The following EPHA6 variants were observed in gnomAD, a reference collection of about 807,000 sequenced individuals.
EPHA6 encodes ephrin type-A receptor 6.
Under a neutral mutation model 112.0 loss-of-function variants are expected in EPHA6, and 50 were observed. That is an observed-to-expected ratio of 0.45 (90% CI 0.36 to 0.56). EPHA6 has a LOEUF of 0.56. EPHA6 is among the 20% of genes least tolerant of loss of function. The probability of loss-of-function intolerance (pLI) is 0.00; values close to 1 mark genes in which losing one functional copy is unlikely to be tolerated. For synonymous variants in EPHA6, 529 were observed against 490.7 expected (o/e 1.08, Z -1.03); for missense variants, 1,280 against 1,417.4 (o/e 0.90, Z 1.56).
intron 10 of EPHA6, among the ~76,000 whole-genome samples, chr3:97,487,000 G>A (rs775680672): frequency 3.3e-5 from 5 of 152,068 alleles, no homozygotes; most frequent in African/African-American, 7.2e-5. Flanking sequence ...TGTCTGTTAG[G>A]TAGTCCCCTT....
At chr3:96,906,822 T>A (rs1177517738) in intron 2 of EPHA6, among the ~76,000 whole-genome samples, 1 of 151,752 alleles carries the variant, frequency 6.6e-6, no homozygotes, top group Non-Finnish European at 1.5e-5. Flanking sequence ...TCCCTAGAGG[T>A]ATAGGAGAAA....
Position 97,736,103 on chromosome 3 carries a change from T to C in EPHA6, c.3113T>C (p.Val1038Ala). 6.2e-7 allele frequency: 1 copy of C among 1,611,998 alleles called. No individual in the cohort carries two copies. Among genetic ancestry groups the C allele is most frequent in the Non-Finnish European group, 8.5e-7 (1 of 1,178,758 alleles). The change falls in exon 16 of 18, where the codon GTG becomes GCG. Residue 1038 changes from valine (V) to alanine (A), a missense_variant. By Grantham distance (64) the Val-to-Ala change is moderately conservative. Transcript: ENST00000389672. ...AATCCCAGTGCCCTTCACACCCTGGTGGAGGACATCCTTGTGTAAGAGGCA... is the reference window on the plus strand; with the variant it reads ...AATCCCAGTGCCCTTCACACCCTGGCGGAGGACATCCTTGTGTAAGAGGCA... ...IRNPSALHTL[V>A]EDILVMPESP...
chr3:97,710,476 C>T (rs1439372000), intron 14 of EPHA6, among the ~76,000 whole-genome samples: 1 of 152,174 alleles, frequency 6.6e-6, no homozygotes, highest in African/African-American at 2.4e-5. Flanking sequence ...GTATAAAGAG[C>T]CTGTGGGCAT....
chr3:97,125,024 G>A (rs960994526), intron 3 of EPHA6, among the ~76,000 whole-genome samples: 1 of 152,108 alleles, frequency 6.6e-6, no homozygotes, highest in Non-Finnish European at 1.5e-5. Flanking sequence ...ACAAAAGGAA[G>A]GATTTCACCT....
chr3:97,144,291 C>A (rs1200532041), intron 3 of EPHA6, among the ~76,000 whole-genome samples: 1 of 151,482 alleles, frequency 6.6e-6, no homozygotes, highest in Non-Finnish European at 1.5e-5. Context: ...AATTGTTTAT[C>A]TCTATATTTT....
At chr3:96,841,664 C>T (rs188329016) in intron 1 of EPHA6, among the ~76,000 whole-genome samples, 84 of 152,064 alleles carry the variant, frequency 5.5e-4, no homozygotes, top group African/African-American at 1.1e-3. Flanking sequence ...CAGCCCATAA[C>T]GGAGATACAG....
At chr3:97,539,254 T>C in intron 11 of EPHA6, among the ~76,000 whole-genome samples, 1 of 151,532 alleles carries the variant, frequency 6.6e-6, no homozygotes, top group East Asian at 1.9e-4. Context: ...TTCAAGCAAT[T>C]CTCCTGCGGC....
chr3:96,903,234 A>G (rs2038717908), intron 2 of EPHA6, among the ~76,000 whole-genome samples: 2 of 151,350 alleles, frequency 1.3e-5, no homozygotes, highest in African/African-American at 4.8e-5. Context: ...ATTGGCAAGT[A>G]TGAGACCAAA....
At chr3:97,222,048 C>A (rs865843129) in intron 3 of EPHA6, among the ~76,000 whole-genome samples, 7 of 150,612 alleles carry the variant, frequency 4.6e-5, no homozygotes, top group East Asian at 1.9e-4. Context: ...AAAAACCAAC[C>A]AACAAACAAA....
intron 3 of EPHA6, among the ~76,000 whole-genome samples, chr3:97,084,974 A>G (rs1049117018): frequency 6.6e-6 from 1 of 152,192 alleles, no homozygotes; most frequent in African/African-American, 2.4e-5. Context: ...AATATTTATT[A>G]CATAGTTTGA....
chr3:97,640,787 A>G (rs1159298986), intron 14 of EPHA6, among the ~76,000 whole-genome samples: 5 of 152,140 alleles, frequency 3.3e-5, no homozygotes, highest in Non-Finnish European at 5.9e-5. Context: ...TTTCAAAAAA[A>G]AAACAAAAGA....
At chr3:97,469,124 A>T (rs2091149300) in intron 7 of EPHA6, among the ~76,000 whole-genome samples, 1 of 151,724 alleles carries the variant, frequency 6.6e-6, no homozygotes, top group Non-Finnish European at 1.5e-5. Context: ...GATCATATGA[A>T]GGTATCGAGT....
At chr3:97,153,483 A>C (rs143401816) in intron 3 of EPHA6, among the ~76,000 whole-genome samples, 373 of 152,268 alleles carry the variant, frequency 2.4e-3, no homozygotes, top group African/African-American at 8.5e-3. Context: ...AACATGAATC[A>C]CTTTCTAAAA....
chr3:97,745,831 G>A (rs2035689916), intron 16 of EPHA6, among the ~76,000 whole-genome samples: 1 of 151,752 alleles, frequency 6.6e-6, no homozygotes. Flanking sequence ...GGATTTTTAA[G>A]GGTAATTTTG....
intron 3 of EPHA6, among the ~76,000 whole-genome samples, chr3:97,212,992 C>T (rs16838468): frequency 0.057 from 8,746 of 152,176 alleles, 640 homozygotes; most frequent in Admixed American, 0.2. Context: ...AAAAACCGGA[C>T]TGCTTGTCTG....
chr3:97,032,633 A>C (rs2044909807), intron 3 of EPHA6, among the ~76,000 whole-genome samples: 1 of 151,940 alleles, frequency 6.6e-6, no homozygotes, highest in Non-Finnish European at 1.5e-5. Context: ...AAGTGATAAA[A>C]GTATTTACTT....
chr3:96,950,733 T>G (rs1374539276), intron 2 of EPHA6, among the ~76,000 whole-genome samples: 2 of 152,146 alleles, frequency 1.3e-5, no homozygotes, highest in East Asian at 3.8e-4. Context: ...CAAGTTCAAC[T>G]TCATCCACTT....
At chr3:97,165,395 A>G (rs1050244133) in intron 3 of EPHA6, among the ~76,000 whole-genome samples, 16 of 152,286 alleles carry the variant, frequency 1.1e-4, no homozygotes, top group Admixed American at 7.2e-4. Context: ...TCTGCAAAGT[A>G]TAATGACTTA....
At chr3:97,416,135 T>C (rs879260512) in intron 6 of EPHA6, among the ~76,000 whole-genome samples, 5 of 151,900 alleles carry the variant, frequency 3.3e-5, no homozygotes, top group Admixed American at 6.6e-5. Flanking sequence ...TTTGTTTTAA[T>C]ATAGAAAAAA....
Sources: allele counts gnomAD v4.1 joint callset (sites outside exome capture counted in the v4.1 genomes callset), GRCh38; gene constraint gnomAD v4.1.1; transcripts MANE v1.5; gene names NCBI Gene and HGNC (gene_info 2026-07-23, HGNC 2026-07-21).